MYO15A: variants seen among roughly 807,000 people sequenced by gnomAD.
MYO15A encodes the protein unconventional myosin-XV.
MYO15A carries 308 observed loss-of-function variants against 394.6 expected under a neutral mutation model. The observed-to-expected ratio is 0.78, with a 90% confidence interval of 0.71 to 0.86. The LOEUF (loss-of-function observed/expected upper bound fraction) is 0.86. Among genes scored for constraint, MYO15A ranks in the 40% least tolerant of loss-of-function variants. MYO15A has a pLI of 0.00. For missense variants in MYO15A, 4,606 were observed against 4,799.1 expected, an observed-to-expected ratio of 0.96 and a Z score of 1.19; for synonymous variants, 1,957 against 2,003.8, an observed-to-expected ratio of 0.98 and a Z score of 0.62.
chr17:18,159,328 G>A lies in MYO15A; in HGVS notation c.9210G>A (p.Met3070Ile), dbSNP rs1312854216. The change falls in exon 54 of 66, where the codon ATG (methionine) becomes ATA (isoleucine). Residue 3070 changes from methionine to isoleucine, a missense_variant. By Grantham distance (10) the Met-to-Ile change is conservative. Coordinates refer to ENST00000647165, the MANE Select transcript of MYO15A (RefSeq NM_016239.4). Reference sequence around the variant, plus strand: ...TCAGCGACAGCAGCCTCAGCAAGATGGCCACCGACATGTTCCTAGGTGTGG... The same window carrying A: ...TCAGCGACAGCAGCCTCAGCAAGATAGCCACCGACATGTTCCTAGGTGTGG... ...IELSDSSLSK[M>I]ATDMFLAVMR... The A allele has an allele frequency of 5.0e-6, 8 of 1,614,032 alleles. No individual in the cohort carries two copies. Among genetic ancestry groups the A allele is most frequent in the South Asian group, 1.1e-5 (1 of 91,092 alleles).
intron 60 of MYO15A, 141 bp from the exon 61 acceptor site, chr17:18,166,220 G>A: frequency 2.0e-6 from 2 of 990,858 alleles, no homozygotes; most frequent in South Asian, 1.4e-5. Context: ...AGGAAGCTGT[G>A]TCCCAGAACA....
Position 18,137,617 on chromosome 17 carries a change from A to G in MYO15A, c.4813A>G (p.Ile1605Val), listed in dbSNP as rs1433662578. The change falls in exon 16 of 66, where the codon ATT becomes GTT. Residue 1605 changes from isoleucine (I) to valine (V), a missense_variant. Physicochemically the swap from Ile to Val is conservative, Grantham distance 29 (BLOSUM62 3). This residue lies in a region of MYO15A where 2,776 missense variants were observed against 3,109.3 expected (regional missense o/e 0.89). Transcript: ENST00000647165. ...CTTCAACAGCTTTGAGCAGCTGTGT[A>G]TTAACTACGCAAACGAGAACCTTCA... ...LSFNSFEQLC[I>V]NYANENLQYL... The G allele has an allele frequency of 4.3e-6, 7 of 1,614,044 alleles. No homozygotes were observed. In the South Asian group the frequency reaches 5.5e-5, roughly 13 times the overall value.
Position 18,148,629 on chromosome 17 carries a change from G to C in MYO15A, c.6764+61G>C. On this transcript the variant is annotated intron_variant, in intron 32 of 65. Coordinates refer to ENST00000647165, the MANE Select transcript of MYO15A (RefSeq NM_016239.4). The surrounding 1 kb of genome is among the most constrained non-coding windows in gnomAD (Gnocchi z 4.8). Reference sequence around the variant, plus strand: ...TGTACCTGGAATGTTGTGGGGGGAGGTCAGATCCCCCAGAGGGTCCCATAG... The same window carrying C: ...TGTACCTGGAATGTTGTGGGGGGAGCTCAGATCCCCCAGAGGGTCCCATAG... 1.3e-6 allele frequency: 2 copies of C among 1,544,990 alleles called. No individual in the cohort carries two copies. The highest frequency in any genetic ancestry group is 1.8e-6 in the Non-Finnish European group (2 of 1,141,808).
Position 18,120,804 on chromosome 17 carries a change from G to GC in MYO15A, c.2009dup (p.Ser671LysfsTer309). The stretch of plus-strand genomic sequence containing the variant: ...TCCTGTCTCCGCCCGTGCCCCCGCG[G>GC]CCCCCAAGCTCCGGGCCCCCGCCCG... On this transcript the variant is annotated frameshift_variant, in exon 2 of 66. Coordinates refer to ENST00000647165, the MANE Select transcript of MYO15A (RefSeq NM_016239.4). LOFTEE classifies it high-confidence loss of function. The GC allele has an allele frequency of 1.5e-6, 2 of 1,290,526 alleles. No homozygotes were observed. Among genetic ancestry groups the GC allele is most frequent in the South Asian group, 2.0e-5 (1 of 50,982 alleles). The allele number at this position is 1,290,526 out of a possible 1,614,324, so 79.9% of individuals were successfully genotyped here.
At chr17:18,165,864 AC>A (rs943283797) in intron 60 of MYO15A, among the ~76,000 whole-genome samples, 1 of 152,116 alleles carries the variant, frequency 6.6e-6, no homozygotes, top group African/African-American at 2.4e-5. Context: ...CCAGGCTCAG[AC>A]CCCAGTCCTC....
At chr17:18,175,218 C>T in intron 65 of MYO15A, among the ~76,000 whole-genome samples, 1 of 150,942 alleles carries the variant, frequency 6.6e-6, no homozygotes, top group South Asian at 2.1e-4. Flanking sequence ...TGCACCCAGC[C>T]TTCTCCAGCC....
At position 18,143,583 on chromosome 17, in the gene MYO15A, G is replaced by A; in HGVS notation, c.5928G>A (p.Arg1976=). Residue 1976 remains arginine, a synonymous_variant, in exon 26 of 66, where the codon AGG becomes AGA. Coordinates refer to ENST00000647165, the MANE Select transcript of MYO15A (RefSeq NM_016239.4). ...RRYLKLRAEW[R]CQVEGALLWE... ...TTCTGAAGCTGAGGGCAGAGTGGAG[G>A]TGCCAGGTGGAGGGGGCGCTGCTGT... The A allele has an allele frequency of 1.9e-6, 3 of 1,561,634 alleles. No homozygotes were observed. Among genetic ancestry groups the A allele is most frequent in the Non-Finnish European group, 2.6e-6 (3 of 1,152,420 alleles).
At chr17:18,145,429 G>A (rs561548063) in intron 29 of MYO15A, among the ~76,000 whole-genome samples, 6 of 152,178 alleles carry the variant, frequency 3.9e-5, no homozygotes, top group Non-Finnish European at 7.4e-5. Flanking sequence ...TATGGCAGTT[G>A]TAGGCCAAGC....
At chr17:18,142,863 G>T (rs769651993) in intron 25 of MYO15A, 23 bp downstream of exon 25, 1 of 1,597,558 alleles carries the variant, frequency 6.3e-7, no homozygotes, top group Non-Finnish European at 8.5e-7. Context: ...CCCTATCTGG[G>T]TCCAAGGGGA....
chr17:18,166,354 T>A lies in MYO15A; in HGVS notation c.9788-7T>A. On this transcript the variant is annotated splice_polypyrimidine_tract_variant and splice_region_variant and intron_variant, in intron 60 of 65. Coordinates refer to ENST00000647165, the MANE Select transcript of MYO15A (RefSeq NM_016239.4). ...CCCACCCAGCCCTGCCTCCCTGCTC[T>A]CTGCAGGCCAGCATGTGTGCCCACT... 6.2e-7 allele frequency: 1 copy of A among 1,612,122 alleles called. No individual in the cohort carries two copies. Among genetic ancestry groups the A allele is most frequent in the South Asian group, 1.1e-5 (1 of 91,076 alleles).
In MYO15A at chr17:18,143,594, A is replaced by AG; in HGVS notation, c.5944dup (p.Ala1982GlyfsTer25). 6.4e-7 allele frequency: 1 copy of AG among 1,564,626 alleles called. No homozygotes were observed. The highest frequency in any genetic ancestry group is 8.7e-7 in the Non-Finnish European group (1 of 1,154,180). ...AGGGCAGAGTGGAGGTGCCAGGTGG[A>AG]GGGGGCGCTGCTGTGGGAGCAGGAG... On this transcript the variant is annotated frameshift_variant, in exon 26 of 66. Coordinates refer to ENST00000647165, the MANE Select transcript of MYO15A (RefSeq NM_016239.4). LOFTEE classifies it high-confidence loss of function.
At position 18,159,962 on chromosome 17, in the gene MYO15A, G is replaced by A; in HGVS notation, c.9331G>A (p.Asp3111Asn). The A allele has an allele frequency of 6.2e-7, 1 of 1,614,102 alleles. No homozygotes were observed. Among genetic ancestry groups the A allele is most frequent in the Non-Finnish European group, 8.5e-7 (1 of 1,180,018 alleles). ...GTGCGGGGACCATGAGGTCATGCGG[G>A]ATGAATGTTACTGCCAAGTTGTGAA... Reference protein sequence around the residue: ...KLCGDHEVMRDECYCQVVKQI... With the variant: ...KLCGDHEVMRNECYCQVVKQI... Residue 3111 changes from aspartate (D) to asparagine (N), a missense_variant, in exon 56 of 66, where the codon GAT becomes AAT. Around this residue, in one of 2 missense-constraint regions of MYO15A, gnomAD observed 2,776 missense variants for 3,109.3 expected, o/e 0.89. Transcript: ENST00000647165.
chr17:18,146,054 CG>C lies in MYO15A; in HGVS notation c.6457del (p.Ala2153ProfsTer100), dbSNP rs2046474559. ...CTGAGCGGGGCTGGCTGCTGCTGGC[CG>C]CCTGCCTCAGTGGCTTTGCACCTTC... ...NAERGWLLLA[A>X]CLSGFAPSPC... On this transcript the variant is annotated frameshift_variant, in exon 30 of 66. Coordinates refer to ENST00000647165, the MANE Select transcript of MYO15A (RefSeq NM_016239.4). LOFTEE classifies it high-confidence loss of function. The C allele has an allele frequency of 1.2e-6, 2 of 1,613,872 alleles. No individual in the cohort carries two copies. Among genetic ancestry groups the C allele is most frequent in the East Asian group, 4.5e-5 (2 of 44,892 alleles).
chr17:18,178,538 G>A (rs956289259), intron 65 of MYO15A, among the ~76,000 whole-genome samples: 6 of 151,988 alleles, frequency 3.9e-5, no homozygotes, highest in Non-Finnish European at 7.4e-5. Flanking sequence ...GAGCAAAGCC[G>A]GAAGAGGCAC....
Position 18,121,622 on chromosome 17 carries a change from C to T in MYO15A, c.2822C>T (p.Ser941Phe). Residue 941 changes from serine to phenylalanine, a missense_variant, in exon 2 of 66, where the codon TCC (serine) becomes TTC (phenylalanine). Physicochemically the swap from Ser to Phe is radical, Grantham distance 155. Around this residue, in one of 2 missense-constraint regions of MYO15A, gnomAD observed 1,830 missense variants for 1,689.7 expected, o/e 1.08. Coordinates refer to ENST00000647165, the MANE Select transcript of MYO15A (RefSeq NM_016239.4). This position sits in a 1 kb window ranked among gnomAD's most constrained non-coding sequence, Gnocchi z 5.3. ...ATGCCTCCCACCCAACGCCCACCCTCCCCCTGGCCAGGAGGTGCAGGCAGC... is the reference window on the plus strand; with the variant it reads ...ATGCCTCCCACCCAACGCCCACCCTTCCCCTGGCCAGGAGGTGCAGGCAGC... ...VDMPPTQRPP[S>F]PWPGGAGSRR... 1 of 1,600,244 alleles carries T rather than the reference C, an allele frequency of 6.2e-7. No individual in the cohort carries two copies. The highest frequency in any genetic ancestry group is 1.1e-5 in the South Asian group (1 of 89,156).
In MYO15A at chr17:18,124,546, G is replaced by A. The variant is rs376057519; in HGVS notation, c.3673G>A (p.Glu1225Lys). 5.0e-6 allele frequency: 8 copies of A among 1,613,094 alleles called. No homozygotes were observed. The highest frequency in any genetic ancestry group is 2.2e-5 in the East Asian group (1 of 44,896). Residue 1225 changes from glutamate (E) to lysine (K), a missense_variant, in exon 3 of 66, where the codon GAG becomes AAG. Glu to Lys is a moderately conservative substitution (Grantham distance 56). Coordinates refer to ENST00000647165, the MANE Select transcript of MYO15A (RefSeq NM_016239.4). ...TGAGCAGCACGGGGAGGATGGTGTG[G>A]AGGACATGACACAGCTGGAGTGAGT... Reference protein sequence around the residue: ...FREQHGEDGVEDMTQLEDLQE... With the variant: ...FREQHGEDGVKDMTQLEDLQE...
Position 18,148,916 on chromosome 17 carries a change from C to G in MYO15A, c.6920C>G (p.Thr2307Arg). 1 of 1,605,692 alleles carries G rather than the reference C, an allele frequency of 6.2e-7. No individual in the cohort carries two copies. The highest frequency in any genetic ancestry group is 8.5e-7 in the Non-Finnish European group (1 of 1,176,222). The change falls in exon 33 of 66, where the codon ACA becomes AGA. Residue 2307 changes from threonine (T) to arginine (R), a missense_variant. By Grantham distance (71) the Thr-to-Arg change is moderately conservative. Around this residue, in one of 2 missense-constraint regions of MYO15A, gnomAD observed 2,776 missense variants for 3,109.3 expected, o/e 0.89. Coordinates refer to ENST00000647165, the MANE Select transcript of MYO15A (RefSeq NM_016239.4). This position sits in a 1 kb window ranked among gnomAD's most constrained non-coding sequence, Gnocchi z 4.8. ...CAGAAGTCCTACTTCATTGTGGGCA[C>G]AGAGGGGCCTGCAGCCAGCAGGGGA... ...PRQKSYFIVG[T>R]EGPAASRGGP...
At chr17:18,112,369 T>G (rs892289339) in intron 1 of MYO15A, among the ~76,000 whole-genome samples, 2 of 151,418 alleles carry the variant, frequency 1.3e-5, no homozygotes, top group Non-Finnish European at 2.9e-5. Context: ...CTCCAATCCC[T>G]TTTTTTTTCC....
chr17:18,173,673 G>A, intron 64 of MYO15A, 108 bp from the exon 65 acceptor site: 2 of 1,475,572 alleles, frequency 1.4e-6, no homozygotes, highest in Non-Finnish European at 1.9e-6. Context: ...TACTTGAACT[G>A]GAGTGAGTCT....
Sources: allele counts gnomAD v4.1 joint callset (sites outside exome capture counted in the v4.1 genomes callset), GRCh38; gene constraint gnomAD v4.1.1; regional missense constraint gnomAD v4.1.1; non-coding constraint Gnocchi (gnomAD v3.1); transcripts MANE v1.5; gene names NCBI Gene and HGNC (gene_info 2026-07-23, HGNC 2026-07-21).